NDFIP1: variants seen among roughly 807,000 people sequenced by gnomAD.
NDFIP1 encodes Nedd4 family interacting protein 1, also known as NEDD4 family-interacting protein 1.
In NDFIP1, 7 loss-of-function variants were observed where a neutral mutation model predicts 28.8. The observed-to-expected ratio is 0.24, with a 90% CI of 0.14 to 0.46. The LOEUF (loss-of-function observed/expected upper bound fraction) is 0.46, where lower values mean the gene tolerates loss of function less well. Among genes scored for constraint, NDFIP1 ranks in the 20% least tolerant of loss-of-function variants. The pLI is 0.99. For missense variants in NDFIP1, 194 were observed against 269.1 expected (o/e 0.72, Z 1.95); for synonymous variants, 92 against 101.0 (o/e 0.91, Z 0.53).
intron 1 of NDFIP1, 38 bp from the exon 2 acceptor site, chr5:142,131,770 G>A: frequency 6.7e-7 from 1 of 1,493,938 alleles, no homozygotes; most frequent in Non-Finnish European, 9.0e-7. Flanking sequence ...TTTCTAATTG[G>A]CTTTATGCTT....
At chr5:142,143,658 T>G (rs1236883094) in intron 6 of NDFIP1, 5 of 152,128 alleles carry the variant, frequency 3.3e-5, no homozygotes, top group African/African-American at 2.4e-5. Context: ...TACAAACTTT[T>G]GTGAATGTAT....
chr5:142,136,341 G>C (rs914994193), intron 4 of NDFIP1, among the ~76,000 whole-genome samples: 1 of 152,188 alleles, frequency 6.6e-6, no homozygotes, highest in Non-Finnish European at 1.5e-5. Context: ...TATATAAGTT[G>C]TCAAAATTCA....
chr5:142,142,940 A>AAATAT (rs60076432), intron 6 of NDFIP1: 37 of 38,136 alleles, frequency 9.7e-4, no homozygotes, highest in Non-Finnish European at 1.3e-3. Flanking sequence ...AAAAAAAAAA[A>AAATAT]ATATATATAT....
intron 6 of NDFIP1, 28 bp downstream of exon 6, chr5:142,140,657 A>C: frequency 1.9e-6 from 3 of 1,568,612 alleles, no homozygotes; most frequent in Non-Finnish European, 2.6e-6. Flanking sequence ...AAGAAAAGGC[A>C]AGAAAACATT....
intron 1 of NDFIP1, among the ~76,000 whole-genome samples, chr5:142,120,049 G>A (rs1358085135): frequency 1.3e-5 from 2 of 152,120 alleles, no homozygotes; most frequent in Admixed American, 6.5e-5. Flanking sequence ...TCTGCCTCCC[G>A]GGTTGAAGCA....
intron 1 of NDFIP1, among the ~76,000 whole-genome samples, chr5:142,122,955 G>A (rs913093031): frequency 1.3e-5 from 2 of 152,006 alleles, no homozygotes; most frequent in Non-Finnish European, 2.9e-5. Context: ...GTTCTCGTGT[G>A]TGTGTTTTGG....
chr5:142,144,612 G>T lies in NDFIP1; in HGVS notation c.604G>T (p.Val202Phe). Residue 202 changes from valine to phenylalanine, a missense_variant, in exon 7 of 8, where the codon GTT becomes TTT. Transcript: ENST00000253814. ...CAGAGGATTTATCAATTATGCAAAAGTTCGGAAGATGCCAGAAACTTTCTC... is the reference window on the plus strand; with the variant it reads ...CAGAGGATTTATCAATTATGCAAAATTTCGGAAGATGCCAGAAACTTTCTC... ...FLRGFINYAK[V>F]RKMPETFSNL... The T allele has an allele frequency of 6.2e-7, 1 of 1,613,224 alleles. No homozygotes were observed. The highest frequency in any genetic ancestry group is 8.5e-7 in the Non-Finnish European group (1 of 1,179,598).
Position 142,128,925 on chromosome 5 carries a change from C to T in NDFIP1, c.64-2883C>T, listed in dbSNP as rs116293180. Among the ~76,000 whole-genome samples the T allele has an allele frequency of 9.9e-3, 1,504 of 152,142 alleles. 24 individuals carry two copies. Among genetic ancestry groups the T allele is most frequent in the African/African-American group, 0.035 (1,437 of 41,492 alleles). On this transcript the variant is annotated intron_variant, in intron 1 of 7. Transcript: ENST00000253814. Reference sequence around the variant, plus strand: ...ATCAAATTTAACATTTCCAAGTTTCCAGGAGACAGGCAGCCTATCTTATAA... The same window carrying T: ...ATCAAATTTAACATTTCCAAGTTTCTAGGAGACAGGCAGCCTATCTTATAA...
chr5:142,110,077 C>T lies in NDFIP1; in HGVS notation c.63+1040C>T, dbSNP rs561040116. ...TAGAAGTAAGGAAAGCCAGCCAGTA[C>T]GATGAAAACGTAGATTAACCCTGGT... is the stretch of plus-strand genomic sequence containing the variant. On this transcript the variant is annotated intron_variant, in intron 1 of 7. Transcript: ENST00000253814. Among the ~76,000 whole-genome samples the T allele has an allele frequency of 3.4e-5, 5 of 145,976 alleles. No individual in the cohort carries two copies. The South Asian group carries it at 8.7e-4, about 25-fold the overall frequency.
In NDFIP1 at chr5:142,108,815, C is replaced by A. The variant is rs1173846446; in HGVS notation, c.-160C>A. ...CGGAGCCTCGGCGGCGGCGGCGGTG[C>A]TTACAGCCTGAGAAGAGCGTCTCGC... On this transcript the variant is annotated 5_prime_UTR_variant, in exon 1 of 8. Coordinates refer to ENST00000253814, the MANE Select transcript of NDFIP1 (RefSeq NM_030571.4). The A allele has an allele frequency of 3.8e-6, 2 of 532,502 alleles. No homozygotes were observed. The highest frequency in any genetic ancestry group is 5.9e-6 in the Non-Finnish European group (2 of 336,778). The allele number at this position is 532,502 out of a possible 1,614,324, so 33.0% of individuals were successfully genotyped here.
At chr5:142,135,200 G>C (rs946239273) in intron 3 of NDFIP1, among the ~76,000 whole-genome samples, 1 of 151,954 alleles carries the variant, frequency 6.6e-6, no homozygotes, top group Non-Finnish European at 1.5e-5. Context: ...GGATGGTCTC[G>C]ATCTCCTGAC....
At chr5:142,142,968 T>TA (rs1757352438) in intron 6 of NDFIP1, 2 of 127,962 alleles carry the variant, frequency 1.6e-5, no homozygotes, top group African/African-American at 2.9e-5. Context: ...TATATATATA[T>TA]TAATAAGAGT....
chr5:142,129,986 G>A (rs1757210814), intron 1 of NDFIP1, among the ~76,000 whole-genome samples: 1 of 151,764 alleles, frequency 6.6e-6, no homozygotes, highest in South Asian at 2.1e-4. Flanking sequence ...GTACACCTCG[G>A]TCTCTCTGTT....
chr5:142,150,682 C>T (rs1401396052), intron 7 of NDFIP1, among the ~76,000 whole-genome samples: 15 of 147,310 alleles, frequency 1.0e-4, no homozygotes, highest in South Asian at 6.4e-4. Flanking sequence ...GCCGAGCTCG[C>T]GCCACTGCAC....
At chr5:142,150,199 A>T (rs898829026) in intron 7 of NDFIP1, among the ~76,000 whole-genome samples, 142 of 18,226 alleles carry the variant, frequency 7.8e-3, no homozygotes, top group Non-Finnish European at 9.7e-3. Flanking sequence ...AAAAAAAAAA[A>T]ATATATAGAA....
chr5:142,114,776 G>A (rs370650708), intron 1 of NDFIP1, among the ~76,000 whole-genome samples: 1 of 152,178 alleles, frequency 6.6e-6, no homozygotes, highest in Non-Finnish European at 1.5e-5. Flanking sequence ...ATAACTAACT[G>A]TCCTTTGTAT....
At chr5:142,144,490 G>A (rs1264397744) in intron 6 of NDFIP1, 81 bp from the exon 7 acceptor site, 4 of 966,452 alleles carry the variant, frequency 4.1e-6, no homozygotes, top group East Asian at 2.4e-5. Context: ...ACAATGTATC[G>A]CTATCAGGAG....
intron 1 of NDFIP1, among the ~76,000 whole-genome samples, chr5:142,119,366 T>G (rs1596783326): frequency 6.6e-6 from 1 of 152,382 alleles, no homozygotes; most frequent in Admixed American, 6.5e-5. Context: ...ACAAAGCATA[T>G]GTACAGTTCC....
chr5:142,153,717 T>G lies in NDFIP1; in HGVS notation c.*1989T>G, dbSNP rs936731811. 2 of 245,304 alleles carry G rather than the reference T, an allele frequency of 8.2e-6. No individual in the cohort carries two copies. The highest frequency in any genetic ancestry group is 4.5e-5 in the African/African-American group (2 of 44,576). 15.2% of individuals were successfully genotyped at this position (245,304 alleles called of 1,614,324 possible). A position where few individuals can be genotyped will look rare whatever the true frequency, so the allele number is the denominator to read the frequency against. ...ATGAAAAGATCTGTAACAATCTGAA[T>G]AGATGTGGACACATATAGCAGAGAG... On this transcript the variant is annotated 3_prime_UTR_variant, in exon 8 of 8. Coordinates refer to ENST00000253814, the MANE Select transcript of NDFIP1 (RefSeq NM_030571.4).
Sources: allele counts gnomAD v4.1 joint callset (sites outside exome capture counted in the v4.1 genomes callset), GRCh38; gene constraint gnomAD v4.1.1; transcripts MANE v1.5; gene names NCBI Gene and HGNC (gene_info 2026-07-23, HGNC 2026-07-21).